MAGI1: variants seen among roughly 807,000 people sequenced by gnomAD.
MAGI1 encodes the protein membrane associated guanylate kinase, WW and PDZ domain containing 1.
A neutral mutation model predicts 139.9 loss-of-function variants in MAGI1; 58 were observed. The ratio of observed to expected loss-of-function variants is 0.41; its 90% confidence interval spans 0.34 to 0.52. MAGI1 has a LOEUF of 0.52. Among genes scored for constraint, MAGI1 ranks in the 20% least tolerant of loss-of-function variants. The pLI is 0.12. For missense variants in MAGI1, 1,874 were observed against 1,901.6 expected, an observed-to-expected ratio of 0.99 and a Z score of 0.27; for synonymous variants, 812 against 737.9, an observed-to-expected ratio of 1.10 and a Z score of -1.63.
rs143658378 is a variant in MAGI1 at position 65,833,627 on chromosome 3, T to C, written c.313+204369A>G. ...ATTTGTAAGTCTTTACTATGTCATA[T>C]AAAATAGAGAATATTCATTTTTAAA... On this transcript the variant is annotated intron_variant, in intron 1 of 22. Coordinates refer to ENST00000402939, the MANE Select transcript of MAGI1 (RefSeq NM_001033057.2). Among the ~76,000 whole-genome samples, 189 of 152,336 alleles carry C rather than the reference T, an allele frequency of 1.2e-3. 1 individual carries two copies. The highest frequency in any genetic ancestry group is 0.011 in the East Asian group (56 of 5,184).
At chr3:65,802,966 T>A (rs76809606) in intron 1 of MAGI1, among the ~76,000 whole-genome samples, 126 of 151,874 alleles carry the variant, frequency 8.3e-4, no homozygotes, top group African/African-American at 2.8e-3. Flanking sequence ...TTTCTACTGA[T>A]AAAGACATCC....
rs372266590 is a variant in MAGI1, at chr3:65,666,743, T to C, written c.314-44655A>G. ...AAAAGATGAAACAACCTCCCCCTCA[T>C]GGCCATCTCCACATTCTGATGAAAA... On this transcript the variant is annotated intron_variant, in intron 1 of 22. Coordinates refer to ENST00000402939, the MANE Select transcript of MAGI1 (RefSeq NM_001033057.2). 4.6e-5 allele frequency among the ~76,000 whole-genome samples: 7 copies of C among 152,302 alleles called. No homozygotes were observed. The South Asian group carries it at 8.3e-4, about 18-fold the overall frequency.
intron 1 of MAGI1, among the ~76,000 whole-genome samples, chr3:66,011,581 C>G (rs2067322416): frequency 6.6e-6 from 1 of 152,114 alleles, no homozygotes; most frequent in African/African-American, 2.4e-5. Context: ...GAACAGCCGC[C>G]TCCAATCCTT....
chr3:65,992,560 T>C (rs143413553), intron 1 of MAGI1, among the ~76,000 whole-genome samples: 198 of 152,320 alleles, frequency 1.3e-3, no homozygotes, highest in African/African-American at 4.6e-3. Context: ...AACCAAAGCT[T>C]TCCAAGGACC....
intron 2 of MAGI1, among the ~76,000 whole-genome samples, chr3:65,579,847 C>CAA (rs11398879): frequency 0.079 from 9,669 of 122,742 alleles, 733 homozygotes; most frequent in African/African-American, 0.22. Context: ...AACTCCATCT[C>CAA]AAAAAAAAAA....
At chr3:65,855,132 A>C (rs1025797788) in intron 1 of MAGI1, among the ~76,000 whole-genome samples, 2 of 152,136 alleles carry the variant, frequency 1.3e-5, no homozygotes, top group Non-Finnish European at 1.5e-5. Flanking sequence ...GTGAGTTTAC[A>C]GCCTGAAGCA....
At chr3:65,711,188 T>C (rs2031361093) in intron 1 of MAGI1, among the ~76,000 whole-genome samples, 1 of 152,158 alleles carries the variant, frequency 6.6e-6, no homozygotes, top group African/African-American at 2.4e-5. Context: ...AGAATAAAAG[T>C]TTCTGCCTTC....
intron 1 of MAGI1, among the ~76,000 whole-genome samples, chr3:65,832,345 T>TA (rs1257059643): frequency 6.6e-6 from 1 of 152,076 alleles, no homozygotes; most frequent in Admixed American, 6.5e-5. Context: ...TTCAAAACAA[T>TA]AAAGACTTCC....
chr3:65,379,545 G>A lies in MAGI1; in HGVS notation c.2711C>T (p.Thr904Ile), dbSNP rs868582426. ...GGCTGGCGAGGGCACCTCGTTCTCG[G>A]TTTTGGGCACTGTAGCAGAGAGATG... ...RRKVVFAVPKTENEVPSPASS... is the reference protein window; with the variant it reads ...RRKVVFAVPKIENEVPSPASS... Residue 904 changes from threonine (T) to isoleucine (I), a missense_variant, in exon 17 of 23, where the codon ACC becomes ATC. Coordinates refer to ENST00000402939, the MANE Select transcript of MAGI1 (RefSeq NM_001033057.2). 1 of 1,608,868 alleles carries A rather than the reference G, an allele frequency of 6.2e-7. No homozygotes were observed. Among genetic ancestry groups the A allele is most frequent in the Non-Finnish European group, 8.5e-7 (1 of 1,175,868 alleles).
intron 1 of MAGI1, among the ~76,000 whole-genome samples, chr3:65,899,650 T>C (rs2061137425): frequency 6.6e-6 from 1 of 152,230 alleles, no homozygotes; most frequent in Non-Finnish European, 1.5e-5. Flanking sequence ...CCTATTCTCA[T>C]GTTTTATGCT....
At chr3:65,397,580 G>T (rs1011760803) in intron 13 of MAGI1, among the ~76,000 whole-genome samples, 2 of 151,212 alleles carry the variant, frequency 1.3e-5, no homozygotes, top group Admixed American at 6.6e-5. Flanking sequence ...TAGTGAATAT[G>T]GTACACTTTC....
At chr3:65,906,271 T>TAA (rs1287517841) in intron 1 of MAGI1, among the ~76,000 whole-genome samples, 16 of 152,086 alleles carry the variant, frequency 1.1e-4, no homozygotes, top group Admixed American at 1.0e-3. Context: ...GAATAGCACG[T>TAA]AAAAGCTCCA....
At chr3:65,514,626 T>C (rs1306931874) in intron 2 of MAGI1, among the ~76,000 whole-genome samples, 4 of 131,900 alleles carry the variant, frequency 3.0e-5, no homozygotes, top group East Asian at 4.5e-4. Flanking sequence ...CTCACACCAG[T>C]TAGAATGGCA....
chr3:65,844,037 G>C (rs1008215262), intron 1 of MAGI1: 1 of 386,278 alleles, frequency 2.6e-6, no homozygotes, highest in Non-Finnish European at 5.0e-6. Context: ...GTATCTAAAA[G>C]ATGTCACTTG....
At chr3:65,980,357 G>A (rs2065502736) in intron 1 of MAGI1, among the ~76,000 whole-genome samples, 1 of 152,200 alleles carries the variant, frequency 6.6e-6, no homozygotes, top group Admixed American at 6.5e-5. Flanking sequence ...GAGGTCAGGA[G>A]TTCAAGACCA....
In MAGI1 at chr3:65,581,544, T is replaced by C. The variant is rs1458697847; in HGVS notation, c.430+40428A>G. Among the ~76,000 whole-genome samples, 6 of 152,254 alleles carry C rather than the reference T, an allele frequency of 3.9e-5. No individual in the cohort carries two copies. The East Asian group carries it at 1.2e-3, about 29-fold the overall frequency. The stretch of plus-strand genomic sequence containing the variant: ...CACACTGTCCCTGCCCCCTTGCTGC[T>C]ATTCATACAATTTAGGCATGGTCCT... On this transcript the variant is annotated intron_variant, in intron 2 of 22. Coordinates refer to ENST00000402939, the MANE Select transcript of MAGI1 (RefSeq NM_001033057.2).
At chr3:65,858,237 C>G (rs1403979552) in intron 1 of MAGI1, among the ~76,000 whole-genome samples, 10 of 152,232 alleles carry the variant, frequency 6.6e-5, no homozygotes, top group Non-Finnish European at 1.5e-4. Context: ...GCAGAACTTT[C>G]CAGAAGACTT....
At chr3:65,773,151 G>T (rs1257265031) in intron 1 of MAGI1, among the ~76,000 whole-genome samples, 1 of 152,152 alleles carries the variant, frequency 6.6e-6, no homozygotes, top group Non-Finnish European at 1.5e-5. Context: ...TAGAAAAAGA[G>T]CTCTCAAGTT....
At chr3:65,539,381 C>A (rs72499064) in intron 2 of MAGI1, among the ~76,000 whole-genome samples, 3 of 152,256 alleles carry the variant, frequency 2.0e-5, no homozygotes, top group East Asian at 3.9e-4. Context: ...CAGACACATA[C>A]CAACTACCAT....
Sources: allele counts gnomAD v4.1 joint callset (sites outside exome capture counted in the v4.1 genomes callset), GRCh38; gene constraint gnomAD v4.1.1; transcripts MANE v1.5; gene names NCBI Gene and HGNC (gene_info 2026-07-23, HGNC 2026-07-21).